ASAP1: variants seen among roughly 807,000 people sequenced by gnomAD.
ASAP1 encodes ArfGAP with SH3 domain, ankyrin repeat and PH domain 1.
A neutral mutation model predicts 145.2 loss-of-function variants in ASAP1; 43 were observed. The observed-to-expected ratio is 0.30, with a 90% CI of 0.23 to 0.38. ASAP1 has a LOEUF of 0.38. Among genes scored for constraint, ASAP1 ranks in the 10% least tolerant of loss-of-function variants. The pLI is 1.00. For missense variants in ASAP1, 1,018 were observed against 1,355.3 expected, an observed-to-expected ratio of 0.75 and a Z score of 3.91; for synonymous variants, 546 against 515.5, an observed-to-expected ratio of 1.06 and a Z score of -0.80.
chr8:130,055,291 A>T (rs1201320110), intron 29 of ASAP1, among the ~76,000 whole-genome samples: 1 of 149,330 alleles, frequency 6.7e-6, no homozygotes, highest in Non-Finnish European at 1.5e-5. Flanking sequence ...TGATACATTT[A>T]AAAAAGAAAA....
intron 3 of ASAP1, among the ~76,000 whole-genome samples, chr8:130,329,289 T>C (rs566105103): frequency 5.9e-5 from 9 of 152,348 alleles, no homozygotes; most frequent in Admixed American, 5.2e-4. Context: ...TGGCATCCAG[T>C]TGTGGAACAG....
At chr8:130,157,440 T>C (rs974681115) in intron 12 of ASAP1, among the ~76,000 whole-genome samples, 6 of 152,180 alleles carry the variant, frequency 3.9e-5, no homozygotes, top group Admixed American at 3.3e-4. Flanking sequence ...CCTGGCCTCA[T>C]CATCAGCTCC....
intron 25 of ASAP1, among the ~76,000 whole-genome samples, chr8:130,086,704 T>C (rs1050697849): frequency 6.6e-6 from 1 of 152,182 alleles, no homozygotes; most frequent in Non-Finnish European, 1.5e-5. Context: ...CTCAGGAGAC[T>C]GAGGTGGGAA....
At chr8:130,394,049 G>A (rs193101207) in intron 2 of ASAP1, among the ~76,000 whole-genome samples, 38 of 152,208 alleles carry the variant, frequency 2.5e-4, no homozygotes, top group African/African-American at 8.2e-4. Context: ...TGTGATGATT[G>A]CATTAACTGC....
chr8:130,087,697 G>A (rs1005673708), intron 25 of ASAP1, among the ~76,000 whole-genome samples: 1 of 152,136 alleles, frequency 6.6e-6, no homozygotes, highest in Non-Finnish European at 1.5e-5. Flanking sequence ...ATTGGGACAG[G>A]AGGCCTCGAG....
At chr8:130,131,844 G>T (rs1408607696) in intron 15 of ASAP1, among the ~76,000 whole-genome samples, 1 of 152,098 alleles carries the variant, frequency 6.6e-6, no homozygotes, top group Non-Finnish European at 1.5e-5. Flanking sequence ...ACTTCAGGGT[G>T]GGCCATGTAA....
At chr8:130,087,626 G>C (rs1194890226) in intron 25 of ASAP1, among the ~76,000 whole-genome samples, 2 of 152,194 alleles carry the variant, frequency 1.3e-5, no homozygotes, top group Non-Finnish European at 2.9e-5. Context: ...CTGCTGTATG[G>C]ATGGCTAGTG....
intron 13 of ASAP1, among the ~76,000 whole-genome samples, chr8:130,146,015 T>C (rs931641555): frequency 2.2e-5 from 3 of 136,804 alleles, no homozygotes; most frequent in East Asian, 2.5e-4. Flanking sequence ...CTAAGTTTTG[T>C]GTTTTTTTTT....
chr8:130,207,953 T>C (rs1200835854), intron 5 of ASAP1, among the ~76,000 whole-genome samples: 1 of 152,190 alleles, frequency 6.6e-6, no homozygotes, highest in Non-Finnish European at 1.5e-5. Context: ...TCAAAGAGTA[T>C]CAGGAAGTGA....
chr8:130,080,639 CT>C (rs929629920), intron 25 of ASAP1, among the ~76,000 whole-genome samples: 22 of 147,600 alleles, frequency 1.5e-4, no homozygotes, highest in Non-Finnish European at 1.7e-4. Context: ...CAAATATTAA[CT>C]TTTTTTTTTT....
intron 11 of ASAP1, among the ~76,000 whole-genome samples, chr8:130,165,401 C>T (rs1586489954): frequency 6.6e-6 from 1 of 152,152 alleles, no homozygotes; most frequent in South Asian, 2.1e-4. Context: ...TCTACCACCC[C>T]GTACTCCCTT....
intron 3 of ASAP1, among the ~76,000 whole-genome samples, chr8:130,343,566 C>A (rs1358346159): frequency 6.6e-6 from 1 of 152,216 alleles, no homozygotes; most frequent in African/African-American, 2.4e-5. Flanking sequence ...CAAAGACCAC[C>A]ATTCTGGTGA....
intron 5 of ASAP1, among the ~76,000 whole-genome samples, chr8:130,198,345 T>C (rs928378569): frequency 6.6e-6 from 1 of 152,048 alleles, no homozygotes. Flanking sequence ...ATAAGATTCT[T>C]TACACTTGAA....
At chr8:130,434,181 T>G (rs981075522) in intron 1 of ASAP1, among the ~76,000 whole-genome samples, 2 of 152,144 alleles carry the variant, frequency 1.3e-5, no homozygotes, top group Non-Finnish European at 1.5e-5. Context: ...CTGTGCCTGG[T>G]GGCGCACACC....
intron 4 of ASAP1, among the ~76,000 whole-genome samples, chr8:130,222,581 A>G (rs772042950): frequency 8.5e-5 from 13 of 152,212 alleles, no homozygotes; most frequent in Non-Finnish European, 1.8e-4. Context: ...GTGTGCCACA[A>G]TATCTATTCA....
intron 13 of ASAP1, among the ~76,000 whole-genome samples, chr8:130,139,349 A>G (rs1269052373): frequency 6.6e-6 from 1 of 152,206 alleles, no homozygotes; most frequent in Admixed American, 6.5e-5. Context: ...ATAAGGAAGA[A>G]CTTCCCAAGC....
chr8:130,160,513 T>A (rs1034966239), intron 11 of ASAP1, among the ~76,000 whole-genome samples: 3 of 149,868 alleles, frequency 2.0e-5, no homozygotes, highest in Admixed American at 6.7e-5. Context: ...CCACATTTTT[T>A]AAATTAAGAC....
At chr8:130,282,598 G>A (rs919477008) in intron 3 of ASAP1, among the ~76,000 whole-genome samples, 1 of 152,052 alleles carries the variant, frequency 6.6e-6, no homozygotes, top group Non-Finnish European at 1.5e-5. Flanking sequence ...AGGCCTTTCA[G>A]CTCTGGCATG....
intron 25 of ASAP1, among the ~76,000 whole-genome samples, chr8:130,091,348 A>T (rs1391533914): frequency 6.6e-6 from 1 of 152,152 alleles, no homozygotes; most frequent in Non-Finnish European, 1.5e-5. Flanking sequence ...CTGGCTGAGA[A>T]CTCAAGGATG....
Sources: gnomAD v4.1 joint callset for allele counts (sites outside exome capture counted in the v4.1 genomes callset) on GRCh38, gnomAD v4.1.1 for gene constraint, MANE v1.5 for transcripts, NCBI Gene and HGNC (gene_info 2026-07-23, HGNC 2026-07-21) for gene names.